Variants in OSBPL1A observed in about 807,000 individuals in gnomAD.
OSBPL1A encodes oxysterol binding protein like 1A, also known as oxysterol-binding protein-related protein 1.
In OSBPL1A, 80 loss-of-function variants were observed where a neutral mutation model predicts 137.1. The observed-to-expected ratio is 0.58, with a 90% CI of 0.49 to 0.70. The LOEUF is 0.70. Among genes scored for constraint, OSBPL1A ranks in the 30% least tolerant of loss-of-function variants. The pLI, the probability that OSBPL1A is intolerant of heterozygous loss-of-function variation, is 0.00. For missense variants in OSBPL1A, 970 were observed against 1,129.4 expected, an observed-to-expected ratio of 0.86 and a Z score of 2.02; for synonymous variants, 365 against 389.7, an observed-to-expected ratio of 0.94 and a Z score of 0.75.
intron 1 of OSBPL1A, among the ~76,000 whole-genome samples, chr18:24,379,221 G>T (rs958270522): frequency 6.6e-6 from 1 of 152,136 alleles, no homozygotes. Flanking sequence ...GAAAATGGGA[G>T]ATAAAAGATG....
At chr18:24,372,795 A>C (rs994554489) in intron 2 of OSBPL1A, among the ~76,000 whole-genome samples, 3 of 152,044 alleles carry the variant, frequency 2.0e-5, no homozygotes, top group African/African-American at 7.2e-5. Context: ...CAGGCACTGC[A>C]GCTCACACCT....
chr18:24,270,084 A>C (rs1052414926), intron 15 of OSBPL1A, among the ~76,000 whole-genome samples: 9 of 152,230 alleles, frequency 5.9e-5, no homozygotes, highest in Admixed American at 3.9e-4. Flanking sequence ...AATAATGTGG[A>C]CTGAATAACA....
intron 15 of OSBPL1A, among the ~76,000 whole-genome samples, chr18:24,262,147 G>A (rs2089458206): frequency 6.6e-6 from 1 of 152,138 alleles, no homozygotes; most frequent in East Asian, 1.9e-4. Flanking sequence ...CTTAGGAACT[G>A]ATAATTGCAT....
intron 1 of OSBPL1A, among the ~76,000 whole-genome samples, chr18:24,392,874 A>G (rs1350680611): frequency 6.6e-6 from 1 of 152,072 alleles, no homozygotes; most frequent in Non-Finnish European, 1.5e-5. Flanking sequence ...TATCTTTTAT[A>G]GAGATGTGGT....
intron 24 of OSBPL1A, among the ~76,000 whole-genome samples, chr18:24,168,063 C>T (rs1287092327): frequency 6.6e-6 from 1 of 152,132 alleles, no homozygotes; most frequent in Non-Finnish European, 1.5e-5. Flanking sequence ...GTTTTTAAGG[C>T]TGTTTCCTTC....
chr18:24,253,050 G>A (rs1370986936), intron 15 of OSBPL1A, among the ~76,000 whole-genome samples: 1 of 151,078 alleles, frequency 6.6e-6, no homozygotes, highest in Non-Finnish European at 1.5e-5. Context: ...AGGAAAGAAG[G>A]AAGGAAGAGA....
At chr18:24,172,562 T>C in intron 21 of OSBPL1A, 79 bp from the exon 22 acceptor site, 3 of 988,434 alleles carry the variant, frequency 3.0e-6, no homozygotes, top group South Asian at 1.4e-5. Flanking sequence ...CCAAATGCCA[T>C]TACTCAGAAT....
rs1187512776 is a variant in OSBPL1A at position 24,239,279 on chromosome 18, A to T, written c.1385T>A (p.Val462Glu). ...TEHHELEQSL[V>E]KGSPPASILS... is the part of the protein sequence containing the mutation. ...GATGCTGGCGGGTGGAGAGCCTTTC[A>T]CCAGAGACTGCTCTAATTCATGATG... Residue 462 changes from valine to glutamate, a missense_variant, in exon 16 of 28, where the codon GTG (valine) becomes GAG (glutamate). By Grantham distance (121) the Val-to-Glu change is moderately radical (BLOSUM62 -2). Transcript: ENST00000319481. 2.5e-6 allele frequency: 4 copies of T among 1,614,104 alleles called. No homozygotes were observed. Among genetic ancestry groups the T allele is most frequent in the Non-Finnish European group, 3.4e-6 (4 of 1,179,980 alleles).
chr18:24,169,018 C>T (rs988846624), intron 24 of OSBPL1A, among the ~76,000 whole-genome samples: 6 of 152,126 alleles, frequency 3.9e-5, no homozygotes, highest in African/African-American at 9.7e-5. Context: ...GAGTTTGTGC[C>T]GGGGGTCCCA....
In OSBPL1A at chr18:24,352,896, A is replaced by G. The variant is rs563415513; in HGVS notation, c.283-11238T>C. The stretch of plus-strand genomic sequence containing the variant: ...AGCTGAAACTGGATCCCTTCCTTAC[A>G]CCTTATACAAAAATTAATTCAAGAT... On this transcript the variant is annotated intron_variant, in intron 4 of 27. Coordinates refer to ENST00000319481, the MANE Select transcript of OSBPL1A (RefSeq NM_080597.4). Among the ~76,000 whole-genome samples, 300 of 152,272 alleles carry G rather than the reference A, an allele frequency of 2.0e-3. 2 individuals carry two copies. Among genetic ancestry groups the G allele is most frequent in the African/African-American group, 7.0e-3 (289 of 41,556 alleles).
rs191070481 is a variant in OSBPL1A, at chr18:24,306,893, T to C, written c.1093-3175A>G. Reference sequence around the variant, plus strand: ...TCTTCTTTGCAGAAAATGGCCGCTATTACAAGCAGTGGTGCCGTAGCACTT... The same window carrying C: ...TCTTCTTTGCAGAAAATGGCCGCTACTACAAGCAGTGGTGCCGTAGCACTT... On this transcript the variant is annotated intron_variant, in intron 13 of 27. Coordinates refer to ENST00000319481, the MANE Select transcript of OSBPL1A (RefSeq NM_080597.4). 4.6e-5 allele frequency among the ~76,000 whole-genome samples: 7 copies of C among 152,240 alleles called. No homozygotes were observed. In the East Asian group the frequency reaches 1.3e-3, roughly 29 times the overall value.
At chr18:24,355,339 T>C (rs2091514887) in intron 4 of OSBPL1A, among the ~76,000 whole-genome samples, 1 of 150,960 alleles carries the variant, frequency 6.6e-6, no homozygotes, top group Admixed American at 6.6e-5. Context: ...CCGTCTCTAC[T>C]AAAAATACAA....
intron 16 of OSBPL1A, among the ~76,000 whole-genome samples, chr18:24,227,754 G>A (rs1168672951): frequency 4.6e-5 from 7 of 151,920 alleles, no homozygotes; most frequent in Admixed American, 4.6e-4. Flanking sequence ...GGTGGGGGTG[G>A]TTCCACTCCA....
At chr18:24,340,606 A>T (rs2091259162) in intron 5 of OSBPL1A, among the ~76,000 whole-genome samples, 1 of 152,192 alleles carries the variant, frequency 6.6e-6, no homozygotes, top group East Asian at 1.9e-4. Context: ...GGAGTTCAAG[A>T]CTAGCCTGAC....
At chr18:24,168,519 A>C (rs762845873) in intron 24 of OSBPL1A, among the ~76,000 whole-genome samples, 5 of 152,186 alleles carry the variant, frequency 3.3e-5, no homozygotes, top group Non-Finnish European at 5.9e-5. Flanking sequence ...TGCTGTATGT[A>C]TGCAGTCTTT....
intron 2 of OSBPL1A, 135 bp downstream of exon 2, chr18:24,377,278 T>A: frequency 1.8e-6 from 2 of 1,107,944 alleles, no homozygotes; most frequent in Admixed American, 6.1e-5. Flanking sequence ...AGACATTTCC[T>A]CCAATCTGTG....
chr18:24,298,692 C>G (rs1356202283), intron 14 of OSBPL1A, among the ~76,000 whole-genome samples: 1 of 152,206 alleles, frequency 6.6e-6, no homozygotes, highest in Non-Finnish European at 1.5e-5. Context: ...CTCTTAGGGT[C>G]TGGATTGGGA....
At chr18:24,338,256 AT>A (rs1276941556) in intron 5 of OSBPL1A, among the ~76,000 whole-genome samples, 2 of 133,160 alleles carry the variant, frequency 1.5e-5, no homozygotes, top group Middle Eastern at 4.0e-3. Flanking sequence ...TTTTTTTTGT[AT>A]TTTTAGTAAA....
chr18:24,257,377 GAA>G (rs2089312583), intron 15 of OSBPL1A, among the ~76,000 whole-genome samples: 1 of 152,128 alleles, frequency 6.6e-6, no homozygotes, highest in Non-Finnish European at 1.5e-5. Context: ...ATATATTGGA[GAA>G]AAGACAGTCT....
Sources: allele counts gnomAD v4.1 joint callset (sites outside exome capture counted in the v4.1 genomes callset), GRCh38; gene constraint gnomAD v4.1.1; transcripts MANE v1.5; gene names NCBI Gene and HGNC (gene_info 2026-07-23, HGNC 2026-07-21).